The following KIAA2012 variants were observed in gnomAD, a reference collection of about 807,000 sequenced individuals.
The protein encoded by KIAA2012 is uncharacterized protein KIAA2012.
A neutral mutation model predicts 150.6 loss-of-function variants in KIAA2012; 125 were observed. The ratio of observed to expected loss-of-function variants is 0.83; its 90% CI spans 0.72 to 0.96. The LOEUF (loss-of-function observed/expected upper bound fraction) is 0.96, where lower values mean the gene tolerates loss of function less well. Among genes scored for constraint, KIAA2012 ranks in the 40% least tolerant of loss-of-function variants. The pLI is 0.00. For synonymous variants in KIAA2012, 462 were observed against 504.7 expected, an observed-to-expected ratio of 0.92 and a Z score of 1.13; for missense variants, 1,219 against 1,354.9, an observed-to-expected ratio of 0.90 and a Z score of 1.57.
intron 7 of KIAA2012, 118 bp downstream of exon 7, chr2:202,100,567 C>A (rs967982869): frequency 2.5e-6 from 3 of 1,191,680 alleles, no homozygotes; most frequent in Non-Finnish European, 3.4e-6. Flanking sequence ...GAGAACTGGC[C>A]TCTCTAGCGT....
chr2:202,190,297 A>C lies in KIAA2012; in HGVS notation c.2615A>C (p.Tyr872Ser). Residue 872 changes from tyrosine (Y) to serine (S), a missense_variant, in exon 19 of 24, where the codon TAT becomes TCT. Physicochemically the swap from Tyr to Ser is moderately radical, Grantham distance 144 (BLOSUM62 -2). Transcript: ENST00000498697. ...GAGCTGAGCGGGCCTGATGTCAGCTATGAGGAAACAGAAGACACCTCAAAT... is the reference window on the plus strand; with the variant it reads ...GAGCTGAGCGGGCCTGATGTCAGCTCTGAGGAAACAGAAGACACCTCAAAT... The part of the protein sequence containing the change: ...AAELSGPDVS[Y>S]EETEDTSNRG... 1.3e-6 allele frequency: 2 copies of C among 1,550,608 alleles called. No individual in the cohort carries two copies. The highest frequency in any genetic ancestry group is 8.7e-7 in the Non-Finnish European group (1 of 1,147,008).
chr2:202,182,939 A>G (rs773316120), intron 15 of KIAA2012, among the ~76,000 whole-genome samples: 3 of 152,162 alleles, frequency 2.0e-5, no homozygotes, highest in Non-Finnish European at 4.4e-5. Context: ...CTGCAATAAA[A>G]TGTATCTTCC....
chr2:202,167,672 G>A (rs1691799831), intron 15 of KIAA2012, among the ~76,000 whole-genome samples: 6 of 151,790 alleles, frequency 4.0e-5, no homozygotes, highest in Admixed American at 1.3e-4. Flanking sequence ...CCTGCATCTC[G>A]GCCTCTAAAA....
chr2:202,167,292 T>A (rs924442357), intron 15 of KIAA2012, among the ~76,000 whole-genome samples: 3 of 152,210 alleles, frequency 2.0e-5, no homozygotes, highest in Admixed American at 6.5e-5. Context: ...CAAACTTCAA[T>A]GTGCATCAGA....
chr2:202,079,714 TTTG>T (rs1011113247), intron 2 of KIAA2012, among the ~76,000 whole-genome samples: 6 of 152,358 alleles, frequency 3.9e-5, no homozygotes, highest in East Asian at 3.9e-4. Flanking sequence ...TGGTTGGTTT[TTTG>T]TTGTTGTTGT....
intron 14 of KIAA2012, among the ~76,000 whole-genome samples, chr2:202,158,001 C>T (rs1691564012): frequency 6.6e-6 from 1 of 152,090 alleles, no homozygotes; most frequent in South Asian, 2.1e-4. Context: ...CCTCAGCCAA[C>T]ATATTTTTAT....
chr2:202,104,794 A>G lies in KIAA2012; in HGVS notation c.1325-967A>G, dbSNP rs1181968340. Among the ~76,000 whole-genome samples the G allele has an allele frequency of 6.6e-6, 1 of 152,204 alleles. No individual in the cohort carries two copies. Among genetic ancestry groups the G allele is most frequent in the Non-Finnish European group, 1.5e-5 (1 of 68,036 alleles). ...TGTCTAGGAATTGGCCAGCCCTGGG[A>G]GGGACAGTCAGGTCCCAGACATCAA... On this transcript the variant is annotated intron_variant, in intron 8 of 23. Coordinates refer to ENST00000498697, the MANE Select transcript of KIAA2012 (RefSeq NM_001277372.4). This position sits in a 1 kb window ranked among gnomAD's most constrained non-coding sequence, Gnocchi z 4.3.
At chr2:202,103,915 T>A (rs1690115507) in intron 8 of KIAA2012, among the ~76,000 whole-genome samples, 1 of 152,220 alleles carries the variant, frequency 6.6e-6, no homozygotes, top group Non-Finnish European at 1.5e-5. Context: ...TCCAGGGACT[T>A]CTCTGGGCCC....
intron 18 of KIAA2012, among the ~76,000 whole-genome samples, chr2:202,189,666 G>A (rs1318915324): frequency 1.3e-5 from 2 of 152,094 alleles, no homozygotes; most frequent in East Asian, 3.8e-4. Flanking sequence ...CTCAAACGGT[G>A]GTGTGTGAAC....
intron 3 of KIAA2012, among the ~76,000 whole-genome samples, 180 bp downstream of exon 3, chr2:202,091,109 C>T (rs1387300307): frequency 6.6e-6 from 1 of 152,242 alleles, no homozygotes; most frequent in Non-Finnish European, 1.5e-5. Flanking sequence ...CCTTTGTCCT[C>T]TGACGCATTT....
chr2:202,125,003 G>A (rs546348089), intron 11 of KIAA2012, among the ~76,000 whole-genome samples: 6 of 152,360 alleles, frequency 3.9e-5, no homozygotes, highest in Admixed American at 2.6e-4. Flanking sequence ...CCTGTAGGCA[G>A]AGGTTGCAGT....
Position 202,188,182 on chromosome 2 carries a change from A to G in KIAA2012, c.2407A>G (p.Lys803Glu). 6.4e-7 allele frequency: 1 copy of G among 1,550,810 alleles called. No individual in the cohort carries two copies. Among genetic ancestry groups the G allele is most frequent in the Non-Finnish European group, 8.7e-7 (1 of 1,147,040 alleles). ...ERDLINEAKRKEKPKKDKTKG... is the reference protein window; with the variant it reads ...ERDLINEAKREEKPKKDKTKG... ...GGATTTGATTAACGAGGCCAAGAGA[A>G]AGGAAAAACCCAAGAAAGACAAAAC... The change falls in exon 18 of 24, where the codon AAG becomes GAG. Residue 803 changes from lysine (K) to glutamate (E), a missense_variant. Physicochemically the swap from Lys to Glu is moderately conservative, Grantham distance 56. Coordinates refer to ENST00000498697, the MANE Select transcript of KIAA2012 (RefSeq NM_001277372.4).
chr2:202,168,603 G>A (rs1691822716), intron 15 of KIAA2012, among the ~76,000 whole-genome samples: 1 of 152,048 alleles, frequency 6.6e-6, no homozygotes, highest in Admixed American at 6.6e-5. Flanking sequence ...TGGCATAAGG[G>A]GTATTGGGGG....
chr2:202,090,769 G>A lies in KIAA2012; in HGVS notation c.370-1G>A. The A allele has an allele frequency of 1.3e-6, 2 of 1,547,668 alleles. No homozygotes were observed. On this transcript the variant is annotated splice_acceptor_variant, in intron 2 of 23. Coordinates refer to ENST00000498697, the MANE Select transcript of KIAA2012 (RefSeq NM_001277372.4). LOFTEE classifies it high-confidence loss of function. ...CTGTTTCCTGACTGGTGTCCCCACA[G>A]GGAGAGCAGGACAGAGCCTGGCAAC...
chr2:202,083,239 A>T (rs1471765797), intron 2 of KIAA2012, among the ~76,000 whole-genome samples: 1 of 152,256 alleles, frequency 6.6e-6, no homozygotes, highest in Non-Finnish European at 1.5e-5. Context: ...TCATTTGCAC[A>T]GAATCCCAAA....
Position 202,112,436 on chromosome 2 carries a change from G to A in KIAA2012, c.1652-900G>A, listed in dbSNP as rs746934695. Reference sequence around the variant, plus strand: ...AATAAGCCAGAAAATATAAGTAAGCGTTTCCCTGAGTTCTGCGAGCTGTCC... The same window carrying A: ...AATAAGCCAGAAAATATAAGTAAGCATTTCCCTGAGTTCTGCGAGCTGTCC... On this transcript the variant is annotated intron_variant, in intron 10 of 23. Coordinates refer to ENST00000498697, the MANE Select transcript of KIAA2012 (RefSeq NM_001277372.4). Among the ~76,000 whole-genome samples, 9 of 152,168 alleles carry A rather than the reference G, an allele frequency of 5.9e-5. No homozygotes were observed. In the South Asian group the frequency reaches 6.2e-4, roughly 10 times the overall value.
rs139183417 is a variant in KIAA2012 at position 202,100,162 on chromosome 2, C to T, written c.1013-145C>T. 502 of 830,434 alleles carry T rather than the reference C, an allele frequency of 6.0e-4. 3 individuals are homozygous for T. In the African/African-American group the frequency reaches 7.7e-3, roughly 13 times the overall value. The allele number at this position is 830,434 out of a possible 1,614,324, so 51.4% of individuals were successfully genotyped here. ...GGAGACTGGGGCTCTCTGAACCTGCCTCCCCCAAAGCTAGGGCTGTCCCAG... is the reference window on the plus strand; with the variant it reads ...GGAGACTGGGGCTCTCTGAACCTGCTTCCCCCAAAGCTAGGGCTGTCCCAG... On this transcript the variant is annotated intron_variant, in intron 6 of 23. Transcript: ENST00000498697.
intron 11 of KIAA2012, among the ~76,000 whole-genome samples, chr2:202,123,574 C>T (rs1690707604): frequency 6.6e-6 from 1 of 152,104 alleles, no homozygotes; most frequent in Admixed American, 6.5e-5. Context: ...GCAGGAGCAC[C>T]GAGAGGCAGG....
intron 15 of KIAA2012, among the ~76,000 whole-genome samples, chr2:202,177,934 C>T (rs2105734843): frequency 6.6e-6 from 1 of 152,350 alleles, no homozygotes; most frequent in Non-Finnish European, 1.5e-5. Context: ...CACAGTGGCT[C>T]ATGCCTGTAA....
Sources: allele counts gnomAD v4.1 joint callset (sites outside exome capture counted in the v4.1 genomes callset), GRCh38; gene constraint gnomAD v4.1.1; non-coding constraint Gnocchi (gnomAD v3.1); transcripts MANE v1.5; gene names NCBI Gene and HGNC (gene_info 2026-07-23, HGNC 2026-07-21).